SLC9A6: variants seen among roughly 807,000 people sequenced by gnomAD.
SLC9A6 encodes the protein sodium/hydrogen exchanger 6.
SLC9A6 carries 6 observed loss-of-function variants against 45.3 expected under a neutral mutation model. The ratio of observed to expected loss-of-function variants is 0.13; its 90% CI spans 0.07 to 0.26. SLC9A6 has a LOEUF of 0.26. Ranked by LOEUF, SLC9A6 falls within the 10% of genes least tolerant of loss-of-function variation. SLC9A6 has a pLI of 1.00. For missense variants in SLC9A6, 278 were observed against 503.7 expected, an observed-to-expected ratio of 0.55 and a Z score of 4.29; for synonymous variants, 191 against 187.7, an observed-to-expected ratio of 1.02 and a Z score of -0.14.
chrX:136,009,067 T>G (rs1556618319), intron 7 of SLC9A6, among the ~76,000 whole-genome samples: 2 of 112,043 alleles, frequency 1.8e-5, no homozygotes, highest in African/African-American at 6.5e-5. Context: ...AAGAAGATTG[T>G]ATAGCAATTT....
intron 10 of SLC9A6, among the ~76,000 whole-genome samples, chrX:136,014,845 G>A (rs900160524): frequency 1.8e-5 from 2 of 112,792 alleles, no homozygotes; most frequent in Non-Finnish European, 3.7e-5. Context: ...TGAAGCTTAT[G>A]TACATTTAAG....
At chrX:136,035,740 T>TTTTG (rs782184098) in intron 16 of SLC9A6, among the ~76,000 whole-genome samples, 1,776 of 109,954 alleles carry the variant, frequency 0.016, 12 homozygotes, top group Non-Finnish European at 0.018. Context: ...TTAACGTGTT[T>TTTTG]TTTGTTTGTT....
chrX:136,033,634 G>C (rs2071366093), intron 16 of SLC9A6, 141 bp downstream of exon 16: 1 of 335,722 alleles, frequency 3.0e-6, no homozygotes, highest in Non-Finnish European at 5.4e-6. Flanking sequence ...CATCAGTGCT[G>C]TGGAAAAGGA....
intron 16 of SLC9A6, among the ~76,000 whole-genome samples, chrX:136,036,292 G>C (rs1253311521): frequency 9.0e-6 from 1 of 111,226 alleles, no homozygotes; most frequent in East Asian, 2.8e-4. Context: ...ACCTTTTCTT[G>C]TTTTTTGACC....
At position 136,016,638 on chromosome X, in the gene SLC9A6, G is replaced by T. The variant is rs1556619293; in HGVS notation, c.1081-7G>T. 1 of 1,019,972 alleles carries T rather than the reference G, an allele frequency of 9.8e-7. No individual in the cohort carries two copies. Among genetic ancestry groups the T allele is most frequent in the Non-Finnish European group, 1.4e-6 (1 of 720,843 alleles). 84.1% of individuals were successfully genotyped at this position (1,019,972 alleles called of 1,213,427 possible). On this transcript the variant is annotated splice_polypyrimidine_tract_variant and splice_region_variant and intron_variant, in intron 10 of 17. Coordinates refer to ENST00000630721, the MANE Select transcript of SLC9A6 (RefSeq NM_001379110.1). The stretch of plus-strand genomic sequence containing the variant: ...TGCTGGACTAATCTTTTACAATTTC[G>T]TTTCAGTTGTTTGAGCTTCTCAATT...
chrX:136,041,992 C>T (rs1214208768), intron 17 of SLC9A6, among the ~76,000 whole-genome samples: 1 of 110,243 alleles, frequency 9.1e-6, no homozygotes, highest in African/African-American at 3.3e-5. Context: ...TGCCTACTTC[C>T]GTGTCCAAAT....
At chrX:136,008,574 A>T (rs1319095909) in intron 7 of SLC9A6, among the ~76,000 whole-genome samples, 2 of 112,264 alleles carry the variant, frequency 1.8e-5, no homozygotes, top group African/African-American at 3.2e-5. Flanking sequence ...ATTGTCAGTT[A>T]AAAAAGCATA....
At chrX:136,029,891 C>G (rs949308097) in intron 14 of SLC9A6, 4 of 411,415 alleles carry the variant, frequency 9.7e-6, no homozygotes, top group Non-Finnish European at 1.7e-5. Context: ...TTTTCTGAAA[C>G]TGGTAAGTAA....
chrX:136,022,082 G>A lies in SLC9A6; in HGVS notation c.1195-504G>A, dbSNP rs1039691548. Among the ~76,000 whole-genome samples the A allele has an allele frequency of 2.7e-5, 3 of 111,845 alleles. No individual in the cohort carries two copies. In the East Asian group the frequency reaches 8.4e-4, roughly 31 times the overall value. On this transcript the variant is annotated intron_variant, in intron 11 of 17. Coordinates refer to ENST00000630721, the MANE Select transcript of SLC9A6 (RefSeq NM_001379110.1). The stretch of plus-strand genomic sequence containing the variant: ...ACTGGTAGCCATTTTAGTGCTGTGA[G>A]GTGGTGATTCAGCTGCCCTTTTCTT...
At chrX:135,999,062 A>G (rs2089545101) in intron 6 of SLC9A6, 94 bp downstream of exon 6, 7 of 587,512 alleles carry the variant, frequency 1.2e-5, no homozygotes, top group Admixed American at 6.8e-5. Context: ...TGTAGAATTC[A>G]TGATTAGATA....
rs782301884 is a variant in SLC9A6, at chrX:135,998,456, CAG to C, written c.448-25_448-24del. 58 of 982,670 alleles carry C rather than the reference CAG, an allele frequency of 5.9e-5. 1 individual carries two copies. In the East Asian group the frequency reaches 1.9e-3, roughly 32 times the overall value. 81.0% of individuals were successfully genotyped at this position (982,670 alleles called of 1,213,427 possible). A position where few individuals can be genotyped will look rare whatever the true frequency, so the allele number is the denominator to read the frequency against. On this transcript the variant is annotated intron_variant, in intron 4 of 17. Transcript: ENST00000630721. The stretch of plus-strand genomic sequence containing the variant: ...TTCAAGTAACTGGTAAGTATTCTAA[CAG>C]TGTAACTTTTTTTTTTTTGTCAGAG...
At position 136,045,100 on chromosome X, in the gene SLC9A6, G is replaced by A; in HGVS notation, c.*376G>A. 6.3e-6 allele frequency: 1 copy of A among 159,323 alleles called. No homozygotes were observed. Among genetic ancestry groups the A allele is most frequent in the Non-Finnish European group, 1.2e-5 (1 of 82,938 alleles). 13.1% of individuals were successfully genotyped at this position (159,323 alleles called of 1,213,427 possible). On this transcript the variant is annotated 3_prime_UTR_variant, in exon 18 of 18. Transcript: ENST00000630721. ...TGAATTAATTTTTTTGTGTGCTAGG[G>A]GAGGGAGAGTGAGGAGGGAGTGTTA...
intron 16 of SLC9A6, among the ~76,000 whole-genome samples, chrX:136,037,552 T>A (rs2148207426): frequency 9.1e-6 from 1 of 109,971 alleles, no homozygotes; most frequent in East Asian, 2.8e-4. Context: ...AGATAGAAAA[T>A]TGGATATTTA....
At chrX:136,044,077 A>C (rs1556623101) in intron 17 of SLC9A6, among the ~76,000 whole-genome samples, 1 of 112,075 alleles carries the variant, frequency 8.9e-6, no homozygotes, top group Non-Finnish European at 1.9e-5. Context: ...AGGACAGCTA[A>C]CCTAGTCCTA....
chrX:136,001,551 G>GT (rs2089584357), intron 6 of SLC9A6, among the ~76,000 whole-genome samples: 1 of 111,279 alleles, frequency 9.0e-6, no homozygotes, highest in Non-Finnish European at 1.9e-5. Context: ...TATTCTCATA[G>GT]TTGGCTTCTT....
At chrX:136,019,902 A>G (rs952686892) in intron 11 of SLC9A6, among the ~76,000 whole-genome samples, 5 of 111,398 alleles carry the variant, frequency 4.5e-5, no homozygotes, top group Non-Finnish European at 7.5e-5. Flanking sequence ...AGTTTCTCAT[A>G]TGTGTTCATT....
upstream of SLC9A6, chrX:135,985,264 G>T (rs2089311914): frequency 3.5e-6 from 1 of 283,988 alleles, no homozygotes. Context: ...CAAAGGCAGT[G>T]GGCTAGTTTA....
At chrX:136,001,262 G>A (rs781882108) in intron 6 of SLC9A6, among the ~76,000 whole-genome samples, 8 of 105,791 alleles carry the variant, frequency 7.6e-5, no homozygotes, top group East Asian at 3.0e-4. Context: ...GCGTGAACCC[G>A]GGAGGCGGGG....
chrX:135,993,377 C>G (rs1556616022), intron 2 of SLC9A6, among the ~76,000 whole-genome samples: 1 of 111,691 alleles, frequency 9.0e-6, no homozygotes. Context: ...GATTGATGTT[C>G]AACTTTGTGA....
Sources: gnomAD v4.1 joint callset for allele counts (sites outside exome capture counted in the v4.1 genomes callset) on GRCh38, gnomAD v4.1.1 for gene constraint, MANE v1.5 for transcripts, NCBI Gene and HGNC (gene_info 2026-07-23, HGNC 2026-07-21) for gene names.